Variants in KRT82 observed in about 807,000 individuals in gnomAD.
KRT82 encodes the protein keratin 82, also known as keratin, type II cuticular Hb2.
In KRT82, 44 loss-of-function variants were observed where a neutral mutation model predicts 48.0. The ratio of observed to expected loss-of-function variants is 0.92; its 90% confidence interval spans 0.72 to 1.18. KRT82 has a LOEUF of 1.18. KRT82 is among the 50% of genes most tolerant of loss of function. KRT82 has a pLI of 0.00. For synonymous variants in KRT82, 297 were observed against 278.3 expected, an observed-to-expected ratio of 1.07 and a Z score of -0.67; for missense variants, 701 against 671.4, an observed-to-expected ratio of 1.04 and a Z score of -0.49.
chr12:52,397,427 C>T (rs939263132), intron 5 of KRT82, among the ~76,000 whole-genome samples: 1 of 152,100 alleles, frequency 6.6e-6, no homozygotes, highest in African/African-American at 2.4e-5. Flanking sequence ...GATGGGTCTG[C>T]CCATCAGGAT....
Position 52,399,986 on chromosome 12 carries a change from C to T in KRT82, c.941G>A (p.Arg314Gln), listed in dbSNP as rs146494400. 2,565 of 1,613,184 alleles carry T rather than the reference C, an allele frequency of 1.6e-3. 2 individuals are homozygous for T. Among genetic ancestry groups the T allele is most frequent in the Non-Finnish European group, 2.1e-3 (2,435 of 1,179,228 alleles). ...KAEAEAWYQC[R>Q]YEELRVTAGN... is the part of the protein sequence containing the mutation. ...CTGCCCCCAACCACAGGGCCTCACC[C>T]GGCACTGGTACCAGGCCTCTGCTTC... Residue 314 changes from arginine to glutamine, a missense_variant and splice_region_variant, in exon 5 of 9, where the codon CGG becomes CAG. Arg to Gln is a conservative substitution (Grantham distance 43, BLOSUM62 1). Transcript: ENST00000257974.
intron 5 of KRT82, among the ~76,000 whole-genome samples, chr12:52,399,596 T>G (rs779010900): frequency 3.9e-5 from 6 of 152,240 alleles, no homozygotes; most frequent in Non-Finnish European, 7.3e-5. Flanking sequence ...AGCCACCCCA[T>G]GCCACTAGCC....
Position 52,401,192 on chromosome 12 carries a change from G to A in KRT82, c.681+97C>T, listed in dbSNP as rs116650583. 769 of 986,282 alleles carry A rather than the reference G, an allele frequency of 7.8e-4. 3 individuals are homozygous for A. In the Middle Eastern group the frequency reaches 9.8e-3, roughly 13 times the overall value. 61.1% of individuals were successfully genotyped at this position (986,282 alleles called of 1,614,324 possible). A position where few individuals can be genotyped will look rare whatever the true frequency, so the allele number is the denominator to read the frequency against. ...GGCGAAAAACCCTTTTTCAGAGTGG[G>A]TGGGCTGCAGACACGTTTGGACTGA... is the stretch of plus-strand genomic sequence containing the variant. On this transcript the variant is annotated intron_variant, in intron 3 of 8. Transcript: ENST00000257974.
chr12:52,399,009 A>G (rs1383300781), intron 5 of KRT82, among the ~76,000 whole-genome samples: 1 of 152,088 alleles, frequency 6.6e-6, no homozygotes. Context: ...ATCAAATGAC[A>G]ACACCTTTGC....
chr12:52,398,357 A>C (rs1939741325), intron 5 of KRT82, among the ~76,000 whole-genome samples: 1 of 152,108 alleles, frequency 6.6e-6, no homozygotes, highest in Non-Finnish European at 1.5e-5. Context: ...TGTATTACAG[A>C]TGGCAGAATG....
intron 6 of KRT82, 22 bp from the exon 7 acceptor site, chr12:52,396,254 G>A: frequency 6.3e-7 from 1 of 1,597,588 alleles, no homozygotes; most frequent in South Asian, 1.1e-5. Context: ...GCGCAGAAAA[G>A]CATCACTGGG....
rs759383849 is a variant in KRT82 at position 52,403,690 on chromosome 12, C to G, written c.620+11G>C. 2 of 1,533,524 alleles carry G rather than the reference C, an allele frequency of 1.3e-6. No individual in the cohort carries two copies. The highest frequency in any genetic ancestry group is 1.8e-6 in the Non-Finnish European group (2 of 1,108,720). The allele number at this position is 1,533,524 out of a possible 1,614,324, so 95.0% of individuals were successfully genotyped here. On this transcript the variant is annotated intron_variant, in intron 2 of 8. Coordinates refer to ENST00000257974, the MANE Select transcript of KRT82 (RefSeq NM_033033.4). ...AGGTCCACCAGTGGGGTAAAAGCAG[C>G]ACTGACTCACTTTTTCTTGTAGCCC...
intron 7 of KRT82, 54 bp downstream of exon 7, chr12:52,395,958 G>GGGTAAT (rs1939707187): frequency 6.2e-7 from 1 of 1,606,684 alleles, no homozygotes; most frequent in Non-Finnish European, 8.5e-7. Flanking sequence ...CCAGAGGGCT[G>GGGTAAT]GGTAATGGCC....
chr12:52,398,181 A>C (rs1373659465), intron 5 of KRT82, among the ~76,000 whole-genome samples: 2 of 152,224 alleles, frequency 1.3e-5, no homozygotes, highest in African/African-American at 2.4e-5. Flanking sequence ...CCAATCAATG[A>C]GATCTATGAC....
chr12:52,396,144 T>C lies in KRT82; in HGVS notation c.1157A>G (p.Glu386Gly), dbSNP rs1939711356. The C allele has an allele frequency of 6.2e-7, 1 of 1,614,190 alleles. No homozygotes were observed. The highest frequency in any genetic ancestry group is 8.5e-7 in the Non-Finnish European group (1 of 1,180,026). ...CTGCTTGGCCTTCTGCAGAGCCTCCTCCAGCCCTGCCAGCTTGCACTTGGC... is the reference window on the plus strand; with the variant it reads ...CTGCTTGGCCTTCTGCAGAGCCTCCCCCAGCCCTGCCAGCTTGCACTTGGC... The part of the protein sequence containing the change: ...NDAKCKLAGL[E>G]EALQKAKQDM... Residue 386 changes from glutamate (E) to glycine (G), a missense_variant, in exon 7 of 9, where the codon GAG (glutamate) becomes GGG (glycine). By Grantham distance (98) the Glu-to-Gly change is moderately conservative. Transcript: ENST00000257974.
chr12:52,395,443 G>T (rs1267927667), intron 8 of KRT82, among the ~76,000 whole-genome samples: 1 of 152,166 alleles, frequency 6.6e-6, no homozygotes, highest in Non-Finnish European at 1.5e-5. Flanking sequence ...CCATTTCTCA[G>T]TTTCTACTGG....
At position 52,399,874 on chromosome 12, in the gene KRT82, G is replaced by A. The variant is rs557745089; in HGVS notation, c.942+111C>T. The A allele has an allele frequency of 2.9e-4, 317 of 1,082,372 alleles. 4 individuals carry two copies. In the South Asian group the frequency reaches 3.7e-3, roughly 13 times the overall value. 67.0% of individuals were successfully genotyped at this position (1,082,372 alleles called of 1,614,324 possible). A position where few individuals can be genotyped will look rare whatever the true frequency, so the allele number is the denominator to read the frequency against. On this transcript the variant is annotated intron_variant, in intron 5 of 8. Transcript: ENST00000257974. ...GGATTCCCTGTGTCTGTGGCATGGC[G>A]TGGCTCTCATTAGCTCCTCACCCAC...
intron 4 of KRT82, among the ~76,000 whole-genome samples, 175 bp from the exon 5 acceptor site, chr12:52,400,324 G>A (rs919473275): frequency 2.0e-5 from 3 of 152,230 alleles, no homozygotes; most frequent in African/African-American, 7.2e-5. Context: ...CCCAGAGCTT[G>A]GTGGAGACTT....
chr12:52,400,298 C>G (rs1019222780), intron 4 of KRT82, 149 bp from the exon 5 acceptor site: 3 of 889,958 alleles, frequency 3.4e-6, no homozygotes, highest in Non-Finnish European at 5.0e-6. Context: ...GACTCCTTGT[C>G]CCCACCCTCT....
chr12:52,401,189 T>C, intron 3 of KRT82, 100 bp downstream of exon 3: 1 of 950,220 alleles, frequency 1.1e-6, no homozygotes, highest in South Asian at 1.4e-5. Flanking sequence ...TTTTTCAGAG[T>C]GGGTGGGCTG....
chr12:52,406,272 C>T lies in KRT82; in HGVS notation c.6G>A (p.Ser2=), dbSNP rs200920774. 168 of 1,590,620 alleles carry T rather than the reference C, an allele frequency of 1.1e-4. No homozygotes were observed. Among genetic ancestry groups the T allele is most frequent in the Admixed American group, 3.4e-5 (2 of 58,484 alleles). Residue 2 remains serine (S), a synonymous_variant, in exon 1 of 9, where the codon TCG becomes TCA. Transcript: ENST00000257974. M[S]YHSFQPGSRC... ...TGGAGCCTGGCTGGAAAGAGTGGTACGACATGGCAGGAGAGAGAGGCAGAG... is the reference window on the plus strand; with the variant it reads ...TGGAGCCTGGCTGGAAAGAGTGGTATGACATGGCAGGAGAGAGAGGCAGAG...
intron 2 of KRT82, among the ~76,000 whole-genome samples, chr12:52,403,328 G>A (rs1283752163): frequency 6.6e-6 from 1 of 152,194 alleles, no homozygotes; most frequent in Non-Finnish European, 1.5e-5. Context: ...AGGAACAAAA[G>A]CCCGGAGGGA....
chr12:52,395,214 G>T lies in KRT82; in HGVS notation c.1322-19C>A, dbSNP rs761819168. 1.2e-5 allele frequency: 20 copies of T among 1,606,658 alleles called. No individual in the cohort carries two copies. In the South Asian group the frequency reaches 2.1e-4, roughly 17 times the overall value. ...CTCACTGCTGTGGGAACAGGAAGGGGTGCTCAGGGCCCCACACGGTGTGGC... is the reference window on the plus strand; with the variant it reads ...CTCACTGCTGTGGGAACAGGAAGGGTTGCTCAGGGCCCCACACGGTGTGGC... On this transcript the variant is annotated intron_variant, in intron 8 of 8. Coordinates refer to ENST00000257974, the MANE Select transcript of KRT82 (RefSeq NM_033033.4).
chr12:52,399,273 C>T (rs913474440), intron 5 of KRT82, among the ~76,000 whole-genome samples: 1 of 152,236 alleles, frequency 6.6e-6, no homozygotes, highest in African/African-American at 2.4e-5. Flanking sequence ...CCCCTCCAAC[C>T]CTACCCTGGA....
Sources: allele counts gnomAD v4.1 joint callset (sites outside exome capture counted in the v4.1 genomes callset), GRCh38; gene constraint gnomAD v4.1.1; transcripts MANE v1.5; gene names NCBI Gene and HGNC (gene_info 2026-07-23, HGNC 2026-07-21).